PLCH1: variants seen among roughly 807,000 people sequenced by gnomAD.
PLCH1 encodes the protein 1-phosphatidylinositol 4,5-bisphosphate phosphodiesterase eta-1.
Under a neutral mutation model 126.7 loss-of-function variants are expected in PLCH1, and 60 were observed. That is an observed-to-expected ratio of 0.47 (90% CI 0.38 to 0.59). The LOEUF (loss-of-function observed/expected upper bound fraction) is 0.59. Among genes scored for constraint, PLCH1 ranks in the 20% least tolerant of loss-of-function variants. PLCH1 has a pLI of 0.00. For missense variants in PLCH1, 1,723 were observed against 2,040.0 expected (o/e 0.84, Z 2.99); for synonymous variants, 719 against 734.9 (o/e 0.98, Z 0.35).
intron 10 of PLCH1, among the ~76,000 whole-genome samples, chr3:155,541,783 C>G (rs369162792): frequency 4.0e-5 from 6 of 151,716 alleles, no homozygotes; most frequent in African/African-American, 1.5e-4. Context: ...GAAAGACTTG[C>G]TTGACATAGA....
intron 2 of PLCH1, among the ~76,000 whole-genome samples, chr3:155,662,813 A>G (rs1364076380): frequency 3.3e-5 from 5 of 152,000 alleles, no homozygotes; most frequent in African/African-American, 1.2e-4. Context: ...ACAGGCGACA[A>G]CCACCACGCC....
chr3:155,523,956 C>T lies in PLCH1; in HGVS notation c.1411G>A (p.Val471Ile), dbSNP rs1344321160. 4 of 1,609,498 alleles carry T rather than the reference C, an allele frequency of 2.5e-6. No homozygotes were observed. Among genetic ancestry groups the T allele is most frequent in the Admixed American group, 1.7e-5 (1 of 59,310 alleles). Residue 471 changes from valine to isoleucine, a missense_variant, in exon 11 of 23, where the codon GTT becomes ATT. By Grantham distance (29) the Val-to-Ile change is conservative. Coordinates refer to ENST00000460012, the MANE Select transcript of PLCH1 (RefSeq NM_014996.4). ...TCATCTGCACTGTCCTCATCAGAAA[C>T]TTCCCCTTCCTCTGCATCATCCCCA... ...HLGDDAEEGE[V>I]SDEDSADEIE...
At chr3:155,627,729 A>C (rs1279081265) in intron 2 of PLCH1, among the ~76,000 whole-genome samples, 2 of 151,942 alleles carry the variant, frequency 1.3e-5, no homozygotes, top group Non-Finnish European at 2.9e-5. Flanking sequence ...GATTAAAAAG[A>C]ATATCATAAA....
chr3:155,579,894 T>TTCTCTC (rs772390671), intron 6 of PLCH1, among the ~76,000 whole-genome samples: 2 of 147,386 alleles, frequency 1.4e-5, no homozygotes, highest in Non-Finnish European at 1.5e-5. Flanking sequence ...CTGTCTCTCT[T>TTCTCTC]TCTCTCTCTC....
At chr3:155,677,963 C>A (rs1744219680) in intron 2 of PLCH1, among the ~76,000 whole-genome samples, 1 of 152,118 alleles carries the variant, frequency 6.6e-6, no homozygotes, top group South Asian at 2.1e-4. Context: ...TATCTCGTTC[C>A]TTTGTCTGCC....
At chr3:155,528,985 A>C (rs1438775015) in intron 10 of PLCH1, among the ~76,000 whole-genome samples, 1 of 152,212 alleles carries the variant, frequency 6.6e-6, no homozygotes, top group African/African-American at 2.4e-5. Flanking sequence ...TAGGGAGAAA[A>C]ACAATGCAAA....
chr3:155,741,083 A>C (rs1200210053), intron 1 of PLCH1, among the ~76,000 whole-genome samples: 1 of 152,208 alleles, frequency 6.6e-6, no homozygotes, highest in Non-Finnish European at 1.5e-5. Context: ...ATGATAATAA[A>C]ATAAAGCTGT....
At chr3:155,521,591 T>C (rs1489712399) in intron 11 of PLCH1, among the ~76,000 whole-genome samples, 1 of 152,186 alleles carries the variant, frequency 6.6e-6, no homozygotes, top group Non-Finnish European at 1.5e-5. Flanking sequence ...CTATCCAAAG[T>C]ACACCCTCTT....
chr3:155,531,836 C>A (rs991249349), intron 10 of PLCH1, among the ~76,000 whole-genome samples: 3 of 152,188 alleles, frequency 2.0e-5, no homozygotes, highest in Non-Finnish European at 4.4e-5. Flanking sequence ...CCTCTCTCAG[C>A]CTTCACAAAA....
intron 2 of PLCH1, among the ~76,000 whole-genome samples, chr3:155,600,327 C>A (rs1268416131): frequency 6.6e-6 from 1 of 152,200 alleles, no homozygotes; most frequent in African/African-American, 2.4e-5. Context: ...CTGCCTCCAA[C>A]AGAAATGATT....
At chr3:155,565,311 C>A (rs1051219268) in intron 7 of PLCH1, among the ~76,000 whole-genome samples, 193 bp from the exon 8 acceptor site, 9 of 151,982 alleles carry the variant, frequency 5.9e-5, no homozygotes, top group Admixed American at 4.6e-4. Flanking sequence ...TTTGTTCCAC[C>A]CAAATCTCAT....
chr3:155,525,599 A>T (rs1308132382), intron 10 of PLCH1, among the ~76,000 whole-genome samples: 1 of 152,166 alleles, frequency 6.6e-6, no homozygotes, highest in Non-Finnish European at 1.5e-5. Context: ...AGCAGGTTAC[A>T]TGTGTCCTTA....
intron 1 of PLCH1, among the ~76,000 whole-genome samples, chr3:155,713,563 C>A (rs1374061695): frequency 6.6e-6 from 1 of 152,146 alleles, no homozygotes; most frequent in East Asian, 1.9e-4. Context: ...GGAAGAAAAT[C>A]TGGCCAGAAA....
intron 2 of PLCH1, among the ~76,000 whole-genome samples, chr3:155,681,387 G>A (rs1002058919): frequency 1.3e-5 from 2 of 152,054 alleles, no homozygotes; most frequent in Non-Finnish European, 2.9e-5. Flanking sequence ...AGTAGATTAG[G>A]TACAACCATT....
At chr3:155,680,636 A>G (rs1347926177) in intron 2 of PLCH1, among the ~76,000 whole-genome samples, 1 of 152,218 alleles carries the variant, frequency 6.6e-6, no homozygotes, top group Non-Finnish European at 1.5e-5. Context: ...TAACAAACTT[A>G]ATGAAGTCAT....
intron 2 of PLCH1, among the ~76,000 whole-genome samples, chr3:155,674,939 G>A (rs1743945215): frequency 6.6e-6 from 1 of 152,214 alleles, no homozygotes; most frequent in South Asian, 2.1e-4. Context: ...GCATACATAA[G>A]AGTTTCCAAA....
At chr3:155,459,974 C>T (rs1431753304) in intron 21 of PLCH1, among the ~76,000 whole-genome samples, 1 of 152,166 alleles carries the variant, frequency 6.6e-6, no homozygotes, top group East Asian at 1.9e-4. Flanking sequence ...TCTTGAGCCT[C>T]ATCTCAGCTA....
At chr3:155,452,594 C>A (rs1240883101) in intron 21 of PLCH1, among the ~76,000 whole-genome samples, 1 of 151,974 alleles carries the variant, frequency 6.6e-6, no homozygotes, top group African/African-American at 2.4e-5. Flanking sequence ...ATTTAGGGTA[C>A]CTTTATGGCC....
intron 1 of PLCH1, among the ~76,000 whole-genome samples, chr3:155,720,571 G>GTT (rs1317470572): frequency 6.7e-6 from 1 of 148,474 alleles, no homozygotes; most frequent in African/African-American, 2.4e-5. Context: ...GGGATTATTT[G>GTT]TTTTTTTCTT....
Sources: allele counts gnomAD v4.1 joint callset (sites outside exome capture counted in the v4.1 genomes callset), GRCh38; gene constraint gnomAD v4.1.1; transcripts MANE v1.5; gene names NCBI Gene and HGNC (gene_info 2026-07-23, HGNC 2026-07-21).